The following TMC7 variants were observed in gnomAD, a reference collection of about 807,000 sequenced individuals.
The protein encoded by TMC7 is transmembrane channel-like protein 7.
TMC7 carries 54 observed loss-of-function variants against 82.9 expected under a neutral mutation model. The observed-to-expected ratio is 0.65, with a 90% CI of 0.52 to 0.82. The LOEUF is 0.82. Ranked by LOEUF, TMC7 falls within the 40% of genes least tolerant of loss-of-function variation. The pLI, the probability that TMC7 is intolerant of heterozygous loss-of-function variation, is 0.00. For synonymous variants in TMC7, 350 were observed against 337.9 expected (o/e 1.04, Z -0.39); for missense variants, 820 against 901.2 (o/e 0.91, Z 1.15).
At chr16:18,994,171 G>A (rs764416601) in intron 1 of TMC7, among the ~76,000 whole-genome samples, 8 of 152,088 alleles carry the variant, frequency 5.3e-5, no homozygotes, top group Non-Finnish European at 1.2e-4. Flanking sequence ...AAGGAGCTGG[G>A]GGGCAGAAAG....
chr16:19,034,416 G>A (rs952327658), intron 6 of TMC7, among the ~76,000 whole-genome samples: 12 of 146,616 alleles, frequency 8.2e-5, no homozygotes, highest in African/African-American at 2.6e-4. Flanking sequence ...GGCCAACCTG[G>A]TGAAATCCTG....
rs1596785533 is a variant in TMC7 at position 19,045,154 on chromosome 16, A to C, written c.1455+153A>C. The C allele has an allele frequency of 7.1e-6, 6 of 840,616 alleles. No homozygotes were observed. In the East Asian group the frequency reaches 1.2e-4, roughly 17 times the overall value. The allele number at this position is 840,616 out of a possible 1,614,324, so 52.1% of individuals were successfully genotyped here. A position where few individuals can be genotyped will look rare whatever the true frequency, so the allele number is the denominator to read the frequency against. On this transcript the variant is annotated intron_variant, in intron 10 of 15. Transcript: ENST00000304381. ...GACAGAGTCTGGCCCCATGGAGTCT[A>C]ACCCCAGGCACTTCTGAGGGCTTGG...
rs773653081 is a variant in TMC7, at chr16:19,037,918, G to A, written c.1050G>A (p.Arg350=). 12 of 1,613,640 alleles carry A rather than the reference G, an allele frequency of 7.4e-6. No homozygotes were observed. In the South Asian group the frequency reaches 1.3e-4, roughly 18 times the overall value. The change falls in exon 8 of 16, where the codon AGG becomes AGA. Residue 350 remains arginine, a synonymous_variant. Coordinates refer to ENST00000304381, the MANE Select transcript of TMC7 (RefSeq NM_024847.4). The part of the protein sequence containing the change: ...EERMRQKIAE[R]TSEETIRIYS... ...GAATGCGGCAGAAAATAGCAGAAAGGACCTCAGAAGAAACAATACGCATTT... is the reference window on the plus strand; with the variant it reads ...GAATGCGGCAGAAAATAGCAGAAAGAACCTCAGAAGAAACAATACGCATTT...
intron 9 of TMC7, among the ~76,000 whole-genome samples, chr16:19,040,864 T>G (rs577345947): frequency 1.1e-3 from 163 of 151,894 alleles, no homozygotes; most frequent in African/African-American, 3.9e-3. Flanking sequence ...ATTTCAAACA[T>G]TTTTTATTTT....
chr16:19,008,246 G>A (rs1169517090), intron 1 of TMC7, among the ~76,000 whole-genome samples: 1 of 152,180 alleles, frequency 6.6e-6, no homozygotes, highest in Non-Finnish European at 1.5e-5. Context: ...CTCCCCTTCA[G>A]CAGAAAGCCC....
At chr16:19,055,176 T>C (rs897782937) in intron 13 of TMC7, among the ~76,000 whole-genome samples, 1 of 152,208 alleles carries the variant, frequency 6.6e-6, no homozygotes, top group Admixed American at 6.5e-5. Flanking sequence ...TAGGAAATAA[T>C]TTGAAATTAA....
intron 12 of TMC7, among the ~76,000 whole-genome samples, chr16:19,049,823 T>C (rs928921708): frequency 3.9e-5 from 6 of 152,186 alleles, no homozygotes; most frequent in Admixed American, 1.3e-4. Context: ...CAGAAGAACT[T>C]ATGTCCCTGC....
At position 19,037,976 on chromosome 16, in the gene TMC7, C is replaced by T; in HGVS notation, c.1108C>T (p.Leu370=). The T allele has an allele frequency of 6.2e-7, 1 of 1,614,044 alleles. No homozygotes were observed. Among genetic ancestry groups the T allele is most frequent in the South Asian group, 1.1e-5 (1 of 91,064 alleles). ...SLRLFLNCIV[L]AVLGACFYAI... is the part of the protein sequence containing the mutation. The stretch of plus-strand genomic sequence containing the variant: ...GAGACTGTTTTTGAACTGTATTGTT[C>T]TGGCTGTTTTAGGGGCATGCTTTTA... Residue 370 remains leucine, a synonymous_variant, in exon 8 of 16, where the codon CTG becomes TTG. Coordinates refer to ENST00000304381, the MANE Select transcript of TMC7 (RefSeq NM_024847.4).
chr16:19,025,715 T>G (rs1197017929), intron 5 of TMC7, among the ~76,000 whole-genome samples: 2 of 151,548 alleles, frequency 1.3e-5, no homozygotes, highest in Admixed American at 6.6e-5. Flanking sequence ...TAGAAAGCCT[T>G]GAATTTGTCC....
chr16:19,028,742 A>G (rs1035365260), intron 5 of TMC7, among the ~76,000 whole-genome samples: 20 of 149,276 alleles, frequency 1.3e-4, no homozygotes, highest in Admixed American at 1.3e-3. Flanking sequence ...CACAACCTCT[A>G]CCTCTCGGGT....
chr16:18,992,084 T>C (rs1326641657), intron 1 of TMC7, among the ~76,000 whole-genome samples: 1 of 152,234 alleles, frequency 6.6e-6, no homozygotes, highest in Non-Finnish European at 1.5e-5. Flanking sequence ...TATAGCAGCA[T>C]GATTTATAAT....
intron 2 of TMC7, 64 bp downstream of exon 2, chr16:19,009,479 C>T (rs1596736856): frequency 4.6e-6 from 7 of 1,524,778 alleles, no homozygotes; most frequent in South Asian, 2.6e-5. Context: ...ATGTTTTGTG[C>T]GTGAAATGCA....
At chr16:19,026,328 T>A (rs1346302855) in intron 5 of TMC7, among the ~76,000 whole-genome samples, 2 of 151,368 alleles carry the variant, frequency 1.3e-5, no homozygotes, top group African/African-American at 4.9e-5. Context: ...TAGAAAAAAA[T>A]TAGCCAGGCG....
In TMC7 at chr16:18,999,755, T is replaced by TTTTTTG. The variant is rs559124461; in HGVS notation, c.68-9399_68-9394dup. Among the ~76,000 whole-genome samples, 229 of 73,120 alleles carry TTTTTTG rather than the reference T, an allele frequency of 3.1e-3. 3 individuals carry two copies. The highest frequency in any genetic ancestry group is 0.026 in the Middle Eastern group (4 of 156). 48.0% of individuals were successfully genotyped at this position (73,120 alleles called of 152,430 possible). A position where few individuals can be genotyped will look rare whatever the true frequency, so the allele number is the denominator to read the frequency against. ...AGCTTCAACTAGAGTCTGGGGACGT[T>TTTTTTG]TTTTTGTTTTTGTTTTTGTTTTTTT... On this transcript the variant is annotated intron_variant, in intron 1 of 15. Transcript: ENST00000304381.
chr16:19,012,957 C>T (rs1040573013), intron 2 of TMC7, among the ~76,000 whole-genome samples: 12 of 150,530 alleles, frequency 8.0e-5, no homozygotes, highest in African/African-American at 2.9e-4. Context: ...GCTGGGATTA[C>T]AGGCACCCAC....
At chr16:19,005,291 A>G (rs555328232) in intron 1 of TMC7, among the ~76,000 whole-genome samples, 1 of 152,126 alleles carries the variant, frequency 6.6e-6, no homozygotes, top group Non-Finnish European at 1.5e-5. Flanking sequence ...GGGTTTCACC[A>G]TGTTAGCAGG....
chr16:19,029,581 C>T (rs1189460787), intron 5 of TMC7, among the ~76,000 whole-genome samples: 2 of 151,690 alleles, frequency 1.3e-5, no homozygotes, highest in African/African-American at 2.4e-5. Flanking sequence ...CTCTGTGTTG[C>T]CCAGGCTTGT....
intron 5 of TMC7, among the ~76,000 whole-genome samples, chr16:19,025,446 C>G (rs891427247): frequency 1.3e-5 from 2 of 151,880 alleles, no homozygotes; most frequent in African/African-American, 4.8e-5. Flanking sequence ...TGGTGAAACC[C>G]CATCTCTACT....
At chr16:18,991,181 G>A (rs2038944675) in intron 1 of TMC7, among the ~76,000 whole-genome samples, 1 of 152,130 alleles carries the variant, frequency 6.6e-6, no homozygotes, top group African/African-American at 2.4e-5. Context: ...GATATTGTGG[G>A]GTTGTTAGAA....
Sources: allele counts gnomAD v4.1 joint callset (sites outside exome capture counted in the v4.1 genomes callset), GRCh38; gene constraint gnomAD v4.1.1; transcripts MANE v1.5; gene names NCBI Gene and HGNC (gene_info 2026-07-23, HGNC 2026-07-21).